MAP2K4: variants seen among roughly 807,000 people sequenced by gnomAD.
The protein encoded by MAP2K4 is mitogen-activated protein kinase kinase 4, also known as dual specificity mitogen-activated protein kinase kinase 4.
Under a neutral mutation model 48.5 loss-of-function variants are expected in MAP2K4, and 4 were observed. The observed-to-expected ratio is 0.08, with a 90% CI of 0.04 to 0.19. MAP2K4 has a LOEUF of 0.19. Among genes scored for constraint, MAP2K4 ranks in the 10% least tolerant of loss-of-function variants. The pLI is 1.00. For synonymous variants in MAP2K4, 166 were observed against 173.1 expected, an observed-to-expected ratio of 0.96 and a Z score of 0.32; for missense variants, 258 against 493.3, an observed-to-expected ratio of 0.52 and a Z score of 4.52.
intron 9 of MAP2K4, among the ~76,000 whole-genome samples, chr17:12,139,353 TAC>T (rs565172149): frequency 6.6e-6 from 1 of 152,130 alleles, no homozygotes; most frequent in Admixed American, 6.6e-5. Context: ...CATATTGAGA[TAC>T]AGAGTATAAA....
rs570777147 is a variant in MAP2K4 at position 12,064,018 on chromosome 17, G to T, written c.218+9027G>T. ...AAGCAGGGAGGAGGAGAGGGGAAGG[G>T]GGGGAGAGAGAGAGAGAGAGAGAGA... On this transcript the variant is annotated intron_variant, in intron 2 of 10. Transcript: ENST00000353533. Among the ~76,000 whole-genome samples the T allele has an allele frequency of 8.7e-4, 109 of 124,914 alleles. 2 individuals carry two copies. The highest frequency in any genetic ancestry group is 2.3e-4 in the Non-Finnish European group (13 of 57,722). 81.9% of individuals were successfully genotyped at this position (124,914 alleles called of 152,430 possible).
At position 12,110,291 on chromosome 17, in the gene MAP2K4, C is replaced by T. The variant is rs190300515; in HGVS notation, c.634-84C>T. ...CTTAAAATGTATGCAGAGGACTACA[C>T]GGGATATTACTTGTGATAAACTGTT... On this transcript the variant is annotated intron_variant, in intron 5 of 10. Transcript: ENST00000353533. 1.4e-3 allele frequency: 1,298 copies of T among 907,388 alleles called. 2 individuals carry two copies. The highest frequency in any genetic ancestry group is 1.6e-3 in the Non-Finnish European group (872 of 542,994). The allele number at this position is 907,388 out of a possible 1,614,324, so 56.2% of individuals were successfully genotyped here. A position where few individuals can be genotyped will look rare whatever the true frequency, so the allele number is the denominator to read the frequency against.
chr17:12,127,684 A>G (rs1410506590), intron 8 of MAP2K4, among the ~76,000 whole-genome samples: 1 of 152,238 alleles, frequency 6.6e-6, no homozygotes, highest in Non-Finnish European at 1.5e-5. Flanking sequence ...TTCTATTATT[A>G]AAACACAAGA....
Position 12,117,810 on chromosome 17 carries a change from G to A in MAP2K4, c.813+4450G>A, listed in dbSNP as rs75961413. ...TGTCTTACAGAAAAGTGTGGTGTTC[G>A]TATGAGCACCATATATGACCTGAAG... On this transcript the variant is annotated intron_variant, in intron 7 of 10. Transcript: ENST00000353533. 1.9e-4 allele frequency among the ~76,000 whole-genome samples: 29 copies of A among 152,258 alleles called. No homozygotes were observed. The East Asian group carries it at 3.3e-3, about 17-fold the overall frequency.
chr17:12,091,799 A>G (rs12325878), intron 3 of MAP2K4, among the ~76,000 whole-genome samples: 34,037 of 152,026 alleles, frequency 0.22, 4,002 homozygotes, highest in Middle Eastern at 0.26. Context: ...CAAGTTTATA[A>G]ATTTCTTTAC....
chr17:12,062,081 T>G (rs1339811210), intron 2 of MAP2K4, among the ~76,000 whole-genome samples: 1 of 144,394 alleles, frequency 6.9e-6, no homozygotes, highest in East Asian at 2.3e-4. Flanking sequence ...TTTTCTTTTT[T>G]TGAGTTAGCT....
chr17:12,042,337 T>G (rs2151517195), intron 1 of MAP2K4, among the ~76,000 whole-genome samples: 1 of 152,196 alleles, frequency 6.6e-6, no homozygotes, highest in African/African-American at 2.4e-5. Context: ...TTATTACAGG[T>G]AAAGTGGTGT....
At chr17:12,054,568 A>G (rs1396927232) in intron 1 of MAP2K4, among the ~76,000 whole-genome samples, 1 of 152,138 alleles carries the variant, frequency 6.6e-6, no homozygotes, top group Non-Finnish European at 1.5e-5. Flanking sequence ...ATTTTTCAGT[A>G]TATCTACTGA....
At chr17:12,039,655 A>G (rs544076375) in intron 1 of MAP2K4, among the ~76,000 whole-genome samples, 2 of 152,294 alleles carry the variant, frequency 1.3e-5, no homozygotes, top group East Asian at 3.9e-4. Flanking sequence ...AAACAATATT[A>G]CTAGATAGCT....
chr17:12,130,473 T>C (rs536050438), intron 9 of MAP2K4, among the ~76,000 whole-genome samples: 51 of 152,346 alleles, frequency 3.3e-4, no homozygotes, highest in Admixed American at 3.3e-4. Flanking sequence ...AAATGATCTG[T>C]GTAAGTCATA....
In MAP2K4 at chr17:12,102,988, G is replaced by C. The variant is rs577899076; in HGVS notation, c.514-4802G>C. On this transcript the variant is annotated intron_variant, in intron 4 of 10. Coordinates refer to ENST00000353533, the MANE Select transcript of MAP2K4 (RefSeq NM_003010.4). The stretch of plus-strand genomic sequence containing the variant: ...GTTTATCAATGTTATTGATGATCTC[G>C]ATGAACCAGCTAGCTCTCAGTTAAA... Among the ~76,000 whole-genome samples the C allele has an allele frequency of 3.4e-5, 5 of 147,084 alleles. No individual in the cohort carries two copies. In the East Asian group the frequency reaches 7.9e-4, roughly 23 times the overall value.
chr17:12,061,544 G>T (rs1032039175), intron 2 of MAP2K4, among the ~76,000 whole-genome samples: 1 of 152,212 alleles, frequency 6.6e-6, no homozygotes, highest in Non-Finnish European at 1.5e-5. Context: ...TGAGGTGGTG[G>T]ATGCTAATTC....
chr17:12,069,375 T>C (rs1015309087), intron 2 of MAP2K4, among the ~76,000 whole-genome samples: 2 of 152,076 alleles, frequency 1.3e-5, no homozygotes, highest in Non-Finnish European at 2.9e-5. Context: ...AAACTTAGAG[T>C]ACAACTGACA....
chr17:12,110,619 A>C (rs537765105), intron 6 of MAP2K4, 193 bp downstream of exon 6: 2 of 535,998 alleles, frequency 3.7e-6, no homozygotes, highest in Non-Finnish European at 6.6e-6. Context: ...ATTTCAGTCT[A>C]TCTTAGTATG....
At position 12,141,491 on chromosome 17, in the gene MAP2K4, T is replaced by C. The variant is rs773452215; in HGVS notation, c.*231T>C. On this transcript the variant is annotated 3_prime_UTR_variant, in exon 11 of 11. Transcript: ENST00000353533. Reference sequence around the variant, plus strand: ...GTCAGAGAGACCTCATCCTGCTCTTTTGTGATGAACATATTCATGAAATGT... The same window carrying C: ...GTCAGAGAGACCTCATCCTGCTCTTCTGTGATGAACATATTCATGAAATGT... 1 of 523,010 alleles carries C rather than the reference T, an allele frequency of 1.9e-6. No individual in the cohort carries two copies. The highest frequency in any genetic ancestry group is 1.9e-5 in the African/African-American group (1 of 52,506). The allele number at this position is 523,010 out of a possible 1,614,324, so 32.4% of individuals were successfully genotyped here.
At chr17:12,098,200 C>T (rs1465283610) in intron 4 of MAP2K4, among the ~76,000 whole-genome samples, 1 of 152,036 alleles carries the variant, frequency 6.6e-6, no homozygotes, top group African/African-American at 2.4e-5. Context: ...ATTAAAATGG[C>T]CGGGCACGGT....
intron 9 of MAP2K4, among the ~76,000 whole-genome samples, chr17:12,136,630 A>G (rs889190119): frequency 4.0e-5 from 6 of 151,746 alleles, no homozygotes; most frequent in Non-Finnish European, 7.4e-5. Context: ...GAGCTAATAT[A>G]ATTATTGATA....
Position 12,021,755 on chromosome 17 carries a change from A to C in MAP2K4, c.115+754A>C, listed in dbSNP as rs542768746. Among the ~76,000 whole-genome samples, 1,043 of 151,098 alleles carry C rather than the reference A, an allele frequency of 6.9e-3. 4 individuals are homozygous for C. The highest frequency in any genetic ancestry group is 0.011 in the Non-Finnish European group (773 of 67,708). Reference sequence around the variant, plus strand: ...GGAAGAAAAAAAAAAAAAAAAAAAAAGAAGACTTAATTTGGTTTAAATGGA... The same window carrying C: ...GGAAGAAAAAAAAAAAAAAAAAAAACGAAGACTTAATTTGGTTTAAATGGA... On this transcript the variant is annotated intron_variant, in intron 1 of 10. Transcript: ENST00000353533.
intron 7 of MAP2K4, among the ~76,000 whole-genome samples, chr17:12,122,541 T>C (rs756803602): frequency 3.8e-4 from 58 of 152,360 alleles, no homozygotes; most frequent in Middle Eastern, 3.4e-3. Flanking sequence ...TGTGTTAACA[T>C]TGGATCTTGT....
Sources: allele counts gnomAD v4.1 joint callset (sites outside exome capture counted in the v4.1 genomes callset), GRCh38; gene constraint gnomAD v4.1.1; transcripts MANE v1.5; gene names NCBI Gene and HGNC (gene_info 2026-07-23, HGNC 2026-07-21).